Variants in PUDP observed in about 807,000 individuals in gnomAD.
PUDP encodes pseudouridine 5'-phosphatase.
PUDP carries 8 observed loss-of-function variants against 9.4 expected under a neutral mutation model. The observed-to-expected ratio is 0.85, with a 90% CI of 0.50 to 1.53. The LOEUF is 1.53. PUDP is among the 40% of genes most tolerant of loss of function. PUDP has a pLI of 0.00. For missense variants in PUDP, 188 were observed against 189.7 expected (o/e 0.99, Z 0.05); for synonymous variants, 99 against 80.7 (o/e 1.23, Z -1.22).
chrX:6,949,204 G>T (rs1360143177), intron 3 of PUDP, among the ~76,000 whole-genome samples: 2 of 112,233 alleles, frequency 1.8e-5, no homozygotes, highest in Non-Finnish European at 3.8e-5. Flanking sequence ...ATGGCATGCA[G>T]AATTTGTTGT....
At chrX:6,775,242 AT>A (rs1248731467) in intron 3 of PUDP, among the ~76,000 whole-genome samples, 1 of 111,785 alleles carries the variant, frequency 8.9e-6, no homozygotes, top group Non-Finnish European at 1.9e-5. Context: ...ACTTAGTCTA[AT>A]TTTTTAATCT....
Position 7,148,128 on chromosome X carries a change from G to A in PUDP, c.-15C>T, listed in dbSNP as rs764572273. ...GGCGCCGCCATGGTGGCGCCTTCTG[G>A]GTCTGGGTGGGGGCGAGGAGGAAGT... is the stretch of plus-strand genomic sequence containing the variant. On this transcript the variant is annotated 5_prime_UTR_variant, in exon 1 of 4. Coordinates refer to ENST00000381077, the MANE Select transcript of PUDP (RefSeq NM_012080.5). The A allele has an allele frequency of 1.3e-4, 143 of 1,104,870 alleles. No homozygotes were observed. In the African/African-American group the frequency reaches 2.5e-3, roughly 19 times the overall value. 91.1% of individuals were successfully genotyped at this position (1,104,870 alleles called of 1,213,427 possible).
intron 3 of PUDP, among the ~76,000 whole-genome samples, chrX:6,960,669 C>T (rs1449827486): frequency 8.9e-6 from 1 of 112,095 alleles, no homozygotes; most frequent in African/African-American, 3.3e-5. Context: ...GGTATTTCCA[C>T]AGAGGACATT....
intron 3 of PUDP, among the ~76,000 whole-genome samples, chrX:6,795,830 T>A (rs1408274057): frequency 9.0e-6 from 1 of 111,576 alleles, no homozygotes; most frequent in African/African-American, 3.3e-5. Flanking sequence ...AGAAAATGAC[T>A]TAGAGGTATA....
intron 3 of PUDP, among the ~76,000 whole-genome samples, chrX:6,826,978 G>A (rs1926432273): frequency 1.8e-5 from 2 of 112,033 alleles, no homozygotes; most frequent in South Asian, 7.5e-4. Context: ...CCAGCACACT[G>A]TAGATGTCAT....
chrX:6,755,511 C>A (rs926392068), intron 3 of PUDP, among the ~76,000 whole-genome samples: 1 of 111,785 alleles, frequency 8.9e-6, no homozygotes, highest in African/African-American at 3.2e-5. Flanking sequence ...AAGTGATTCC[C>A]GAATTTTTAA....
intron 3 of PUDP, among the ~76,000 whole-genome samples, chrX:6,778,050 T>C (rs1401503729): frequency 8.9e-6 from 1 of 111,978 alleles, no homozygotes; most frequent in Non-Finnish European, 1.9e-5. Flanking sequence ...TAAAGATGCA[T>C]TTTGAAAAGA....
chrX:6,886,867 A>G (rs1728031946), intron 3 of PUDP, among the ~76,000 whole-genome samples: 1 of 110,281 alleles, frequency 9.1e-6, no homozygotes, highest in African/African-American at 3.3e-5. Context: ...CAGAAAAATG[A>G]AGTTGATGAT....
intron 1 of PUDP, among the ~76,000 whole-genome samples, chrX:7,015,990 C>T (rs1056949625): frequency 9.1e-6 from 1 of 109,877 alleles, no homozygotes; most frequent in African/African-American, 3.3e-5. Flanking sequence ...TTCTAGGACC[C>T]GTCATGGGGA....
chrX:7,139,912 C>T (rs939314352), intron 1 of PUDP, among the ~76,000 whole-genome samples: 1 of 111,856 alleles, frequency 8.9e-6, no homozygotes, highest in South Asian at 3.7e-4. Flanking sequence ...CACCTTGCCA[C>T]GTGGCCAGCT....
At chrX:7,082,742 G>T (rs1931139529) in intron 2 of PUDP, among the ~76,000 whole-genome samples, 1 of 112,339 alleles carries the variant, frequency 8.9e-6, no homozygotes, top group South Asian at 3.6e-4. Context: ...CATCCTAAGG[G>T]TGCCTGGCCC....
At chrX:7,029,137 C>T (rs756061438) in intron 1 of PUDP, among the ~76,000 whole-genome samples, 4 of 112,111 alleles carry the variant, frequency 3.6e-5, no homozygotes, top group South Asian at 7.4e-4. Context: ...GATTTAAACA[C>T]GGACCTGTTT....
upstream of PUDP, among the ~76,000 whole-genome samples, chrX:6,724,065 T>C (rs7889517): frequency 0.11 from 11,982 of 111,503 alleles, 692 homozygotes; most frequent in African/African-American, 0.21. Context: ...CCTTATTTTA[T>C]CTTGCATTTT....
At chrX:7,083,206 C>T (rs1219946900) in intron 2 of PUDP, among the ~76,000 whole-genome samples, 1 of 111,912 alleles carries the variant, frequency 8.9e-6, no homozygotes, top group Non-Finnish European at 1.9e-5. Context: ...CTTGTGGCAG[C>T]AGCCCCAGGA....
At chrX:6,961,713 C>A (rs1180852804) in intron 3 of PUDP, among the ~76,000 whole-genome samples, 1 of 111,591 alleles carries the variant, frequency 9.0e-6, no homozygotes, top group Admixed American at 9.6e-5. Flanking sequence ...GGCACAGAGA[C>A]TTCAAGCTAC....
Position 7,105,806 on chromosome X carries a change from C to A in PUDP, c.94G>T (p.Glu32Ter). 1.7e-6 allele frequency: 2 copies of A among 1,205,486 alleles called. No homozygotes were observed. Among genetic ancestry groups the A allele is most frequent in the Non-Finnish European group, 2.2e-6 (2 of 890,725 alleles). ...TTCTTGTCATAGCGATTACATATTT[C>A]TTGAAACACCACTGAATACAGCCGT... ...TERLYSVVFQ[E>*]ICNRYDKKYS... is the part of the protein sequence containing the mutation. The change falls in exon 2 of 4, where the codon GAA (glutamate) becomes TAA (stop). Residue 32 changes from glutamate to a stop codon, truncating the protein, a stop_gained. Coordinates refer to ENST00000381077, the MANE Select transcript of PUDP (RefSeq NM_012080.5). LOFTEE classifies it high-confidence loss of function.
intron 3 of PUDP, among the ~76,000 whole-genome samples, chrX:6,972,257 G>C (rs1486927079): frequency 8.9e-6 from 1 of 111,906 alleles, no homozygotes; most frequent in African/African-American, 3.3e-5. Context: ...GAATAGGAGT[G>C]GTGAGAGAGG....
rs909475916 is a variant in PUDP, at chrX:7,146,839, T to G, written c.61+1214A>C. 1.4e-4 allele frequency among the ~76,000 whole-genome samples: 7 copies of G among 50,956 alleles called. No individual in the cohort carries two copies. The East Asian group carries it at 1.9e-3, about 14-fold the overall frequency. 44.2% of individuals were successfully genotyped at this position (50,956 alleles called of 115,157 possible). A position where few individuals can be genotyped will look rare whatever the true frequency, so the allele number is the denominator to read the frequency against. ...TTTACCTCTCTGAGCTGCAGGGTTTTTTTTTTTTTTTTTTTTTTAATTAGT... is the reference window on the plus strand; with the variant it reads ...TTTACCTCTCTGAGCTGCAGGGTTTGTTTTTTTTTTTTTTTTTTAATTAGT... On this transcript the variant is annotated intron_variant, in intron 1 of 3. Coordinates refer to ENST00000381077, the MANE Select transcript of PUDP (RefSeq NM_012080.5).
intron 3 of PUDP, among the ~76,000 whole-genome samples, chrX:6,784,586 A>G (rs1328914671): frequency 6.3e-5 from 7 of 111,897 alleles, no homozygotes; most frequent in Non-Finnish European, 1.3e-4. Context: ...TCGTTGTCCT[A>G]TAAATTCTGT....
Sources: allele counts gnomAD v4.1 joint callset (sites outside exome capture counted in the v4.1 genomes callset), GRCh38; gene constraint gnomAD v4.1.1; transcripts MANE v1.5; gene names NCBI Gene and HGNC (gene_info 2026-07-23, HGNC 2026-07-21).